The following RABEPK variants were observed in gnomAD, a reference collection of about 807,000 sequenced individuals.
RABEPK encodes the protein 40 kDa Rab9 effector protein.
A neutral mutation model predicts 34.1 loss-of-function variants in RABEPK; 27 were observed. That is an observed-to-expected ratio of 0.79 (90% CI 0.58 to 1.09). RABEPK has a LOEUF of 1.09. Among genes scored for constraint, RABEPK ranks in the 50% least tolerant of loss-of-function variants. The probability of loss-of-function intolerance (pLI) is 0.00; values close to 1 mark genes in which losing one functional copy is unlikely to be tolerated. For synonymous variants in RABEPK, 172 were observed against 169.2 expected (o/e 1.02, Z -0.13); for missense variants, 449 against 462.6 (o/e 0.97, Z 0.27).
intron 3 of RABEPK, among the ~76,000 whole-genome samples, chr9:125,210,613 C>T (rs1022064802): frequency 2.1e-5 from 3 of 145,848 alleles, no homozygotes; most frequent in Admixed American, 1.4e-4. Flanking sequence ...CCAGCTGAGG[C>T]AGGAGAATTG....
chr9:125,206,324 C>A (rs910577738), intron 2 of RABEPK, among the ~76,000 whole-genome samples: 3 of 151,964 alleles, frequency 2.0e-5, no homozygotes, highest in Non-Finnish European at 4.4e-5. Context: ...ATAGTGAAAC[C>A]CCATCTCTAC....
intron 6 of RABEPK, among the ~76,000 whole-genome samples, chr9:125,232,018 G>T (rs958036050): frequency 2.7e-5 from 4 of 149,382 alleles, no homozygotes; most frequent in African/African-American, 9.9e-5. Context: ...TCATGCCTCA[G>T]CCTCCTGAGT....
chr9:125,228,797 A>G (rs1052861891), intron 6 of RABEPK, among the ~76,000 whole-genome samples: 1 of 151,412 alleles, frequency 6.6e-6, no homozygotes, highest in Non-Finnish European at 1.5e-5. Context: ...CCCCATCTCT[A>G]CTAAAAATAA....
chr9:125,222,927 C>G (rs1831454283), intron 5 of RABEPK, among the ~76,000 whole-genome samples: 1 of 152,076 alleles, frequency 6.6e-6, no homozygotes, highest in Non-Finnish European at 1.5e-5. Context: ...CAGCTTTGGT[C>G]CCTCAAAGTG....
chr9:125,225,459 G>A (rs1490413189), intron 5 of RABEPK, among the ~76,000 whole-genome samples: 4 of 151,390 alleles, frequency 2.6e-5, no homozygotes, highest in African/African-American at 9.7e-5. Flanking sequence ...CCAGGGGGGT[G>A]GATCTCTTAT....
At chr9:125,229,375 G>T (rs548769585) in intron 6 of RABEPK, among the ~76,000 whole-genome samples, 3 of 152,242 alleles carry the variant, frequency 2.0e-5, no homozygotes, top group Admixed American at 2.0e-4. Context: ...GGAGGTTGCC[G>T]TGAGCTGATT....
intron 5 of RABEPK, chr9:125,222,133 A>C (rs1831382879): frequency 6.6e-6 from 1 of 151,878 alleles, no homozygotes; most frequent in African/African-American, 2.4e-5. Flanking sequence ...TGGGAAAATT[A>C]AGAGATAGCA....
intron 7 of RABEPK, among the ~76,000 whole-genome samples, chr9:125,233,114 C>T (rs920911042): frequency 6.6e-6 from 1 of 151,070 alleles, no homozygotes; most frequent in African/African-American, 2.4e-5. Flanking sequence ...AAAAGTGATG[C>T]AGTGCTTCCA....
chr9:125,217,759 G>A (rs941142518), intron 4 of RABEPK, among the ~76,000 whole-genome samples: 3 of 152,042 alleles, frequency 2.0e-5, no homozygotes, highest in African/African-American at 7.2e-5. Context: ...ACAGCCCTAG[G>A]GTCTTCTGGG....
At chr9:125,208,175 G>A (rs895113710) in intron 3 of RABEPK, among the ~76,000 whole-genome samples, 38 of 152,032 alleles carry the variant, frequency 2.5e-4, no homozygotes, top group Admixed American at 1.4e-3. Flanking sequence ...AGATCCCTCA[G>A]GTTTCTTAGT....
intron 3 of RABEPK, among the ~76,000 whole-genome samples, chr9:125,208,668 T>C (rs1830398469): frequency 6.6e-6 from 1 of 151,980 alleles, no homozygotes; most frequent in African/African-American, 2.4e-5. Context: ...CCTGAGAAGC[T>C]GGGATTACAG....
At chr9:125,226,709 GA>G (rs890009752) in intron 5 of RABEPK, among the ~76,000 whole-genome samples, 45 of 151,464 alleles carry the variant, frequency 3.0e-4, no homozygotes, top group African/African-American at 1.1e-3. Flanking sequence ...ATTAAAAATA[GA>G]AAAATTAGCT....
In RABEPK at chr9:125,207,588, C is replaced by G; in HGVS notation, c.78C>G (p.Asp26Glu). The G allele has an allele frequency of 6.2e-7, 1 of 1,614,130 alleles. No individual in the cohort carries two copies. Among genetic ancestry groups the G allele is most frequent in the South Asian group, 1.1e-5 (1 of 91,082 alleles). The change falls in exon 3 of 8, where the codon GAC becomes GAG. Residue 26 changes from aspartate (D) to glutamate (E), a missense_variant. Asp to Glu is a conservative substitution (Grantham distance 45, BLOSUM62 2). Coordinates refer to ENST00000373538, the MANE Select transcript of RABEPK (RefSeq NM_005833.4). ...GGTACACCTTGACTGTCCCTGGAGA[C>G]AGCCCCTGTGCTCGAGTTGGCCACA... is the stretch of plus-strand genomic sequence containing the variant. ...ATWYTLTVPGDSPCARVGHSC... is the reference protein window; with the variant it reads ...ATWYTLTVPGESPCARVGHSC...
At chr9:125,226,855 C>T (rs911499667) in intron 5 of RABEPK, among the ~76,000 whole-genome samples, 1 of 129,614 alleles carries the variant, frequency 7.7e-6, no homozygotes, top group Non-Finnish European at 1.6e-5. Flanking sequence ...CAGAGCGAGA[C>T]TCTGTCTGCA....
At position 125,233,837 on chromosome 9, in the gene RABEPK, G is replaced by C. The variant is rs1832397459; in HGVS notation, c.976G>C (p.Glu326Gln). 2 of 1,614,172 alleles carry C rather than the reference G, an allele frequency of 1.2e-6. No individual in the cohort carries two copies. Among genetic ancestry groups the C allele is most frequent in the South Asian group, 2.2e-5 (2 of 91,088 alleles). The change falls in exon 8 of 8, where the codon GAG becomes CAG. Residue 326 changes from glutamate to glutamine, a missense_variant. Glu to Gln is a conservative substitution (Grantham distance 29, BLOSUM62 2). Transcript: ENST00000373538. ...SLTLNHEAEK[E>Q]DSADKVMSHS... Reference sequence around the variant, plus strand: ...CACTCTGAACCATGAAGCTGAGAAAGAGGATTCAGCTGACAAAGTAATGAG... The same window carrying C: ...CACTCTGAACCATGAAGCTGAGAAACAGGATTCAGCTGACAAAGTAATGAG...
In RABEPK at chr9:125,220,520, T is replaced by C. The variant is rs373977602; in HGVS notation, c.365-19T>C. 5.6e-6 allele frequency: 9 copies of C among 1,607,096 alleles called. No homozygotes were observed. The highest frequency in any genetic ancestry group is 7.7e-6 in the Non-Finnish European group (9 of 1,176,022). ...CCTCTACCTGGATATTTTAAGTGCC[T>C]GCATTCTCTCTGGCCCAGAAACCAG... On this transcript the variant is annotated intron_variant, in intron 4 of 7. Coordinates refer to ENST00000373538, the MANE Select transcript of RABEPK (RefSeq NM_005833.4).
chr9:125,204,886 G>C (rs1830122182), intron 2 of RABEPK, among the ~76,000 whole-genome samples: 1 of 152,118 alleles, frequency 6.6e-6, no homozygotes, highest in African/African-American at 2.4e-5. Flanking sequence ...GGAATGCGGT[G>C]GTACAATTGT....
At chr9:125,227,109 G>T (rs993298197) in intron 5 of RABEPK, among the ~76,000 whole-genome samples, 3 of 146,596 alleles carry the variant, frequency 2.0e-5, no homozygotes, top group Non-Finnish European at 4.5e-5. Flanking sequence ...GGCAGAGGTT[G>T]CAGTAAGCTG....
chr9:125,205,157 T>C (rs576678122), intron 2 of RABEPK, among the ~76,000 whole-genome samples: 2 of 152,182 alleles, frequency 1.3e-5, no homozygotes, highest in South Asian at 4.1e-4. Flanking sequence ...TTCAGATCTC[T>C]CTCCAAATGG....
Sources: gnomAD v4.1 joint callset for allele counts (sites outside exome capture counted in the v4.1 genomes callset) on GRCh38, gnomAD v4.1.1 for gene constraint, MANE v1.5 for transcripts, NCBI Gene and HGNC (gene_info 2026-07-23, HGNC 2026-07-21) for gene names.